Variants in QTMAN observed in about 807,000 individuals in gnomAD.
The protein encoded by QTMAN is tRNA-queuosine alpha-mannosyltransferase.
the QTMAN span, among the ~76,000 whole-genome samples, chr2:144,153,346 C>T: frequency 1.3e-5 from 2 of 152,104 alleles, no homozygotes; most frequent in Non-Finnish European, 2.9e-5. Context: ...TAAAGTACCA[C>T]TATAAATCAC....
the QTMAN span, among the ~76,000 whole-genome samples, chr2:143,992,304 G>T: frequency 6.7e-6 from 1 of 148,984 alleles, no homozygotes; most frequent in African/African-American, 2.5e-5. Context: ...GGCAGTGCAA[G>T]ATGTGCTTTG....
the QTMAN span, among the ~76,000 whole-genome samples, chr2:144,074,777 TTA>T: frequency 5.3e-5 from 8 of 152,310 alleles, no homozygotes; most frequent in African/African-American, 1.4e-4. Flanking sequence ...ACACTTTAGA[TTA>T]TATCCAGAGT....
the QTMAN span, among the ~76,000 whole-genome samples, chr2:144,016,039 G>A: frequency 1.3e-5 from 2 of 152,134 alleles, no homozygotes; most frequent in African/African-American, 2.4e-5. Flanking sequence ...CCATATTTAA[G>A]CCACGTTGAG....
chr2:144,208,597 A>C, the QTMAN span: 7 of 1,610,194 alleles, frequency 4.3e-6, no homozygotes, highest in Non-Finnish European at 5.9e-6. Flanking sequence ...CCTGAGCTCT[A>C]ATTACCTGTA....
chr2:144,246,534 C>G, the QTMAN span, among the ~76,000 whole-genome samples: 2 of 139,486 alleles, frequency 1.4e-5, no homozygotes, highest in African/African-American at 5.5e-5. Flanking sequence ...GATTGCGCCA[C>G]TGCAGTCCGC....
chr2:143,973,787 T>A, the QTMAN span, among the ~76,000 whole-genome samples: 2 of 127,374 alleles, frequency 1.6e-5, no homozygotes, highest in African/African-American at 6.9e-5. Flanking sequence ...AAACTCCGTC[T>A]CAAAAAAAAA....
At chr2:144,212,261 G>A in the QTMAN span, among the ~76,000 whole-genome samples, 1 of 152,110 alleles carries the variant, frequency 6.6e-6, no homozygotes, top group South Asian at 2.1e-4. Flanking sequence ...TCAGGAGTTC[G>A]AAACCAGATT....
the QTMAN span, among the ~76,000 whole-genome samples, chr2:143,948,208 ACCAC>A: frequency 6.6e-6 from 1 of 152,200 alleles, no homozygotes; most frequent in Non-Finnish European, 1.5e-5. Context: ...AATCAAGATA[ACCAC>A]AAATGGCTTT....
chr2:143,996,535 C>G, the QTMAN span, among the ~76,000 whole-genome samples: 2 of 152,062 alleles, frequency 1.3e-5, no homozygotes, highest in Non-Finnish European at 2.9e-5. Flanking sequence ...TAAAACTGTT[C>G]TTGTTAAAAT....
the QTMAN span, among the ~76,000 whole-genome samples, chr2:144,129,725 G>A: frequency 6.6e-6 from 1 of 151,922 alleles, no homozygotes; most frequent in Admixed American, 6.6e-5. Context: ...TGCAGCTAGT[G>A]AGCTCACCTT....
the QTMAN span, among the ~76,000 whole-genome samples, chr2:144,314,768 G>A: frequency 6.6e-6 from 1 of 152,206 alleles, no homozygotes; most frequent in African/African-American, 2.4e-5. Context: ...ATGATAAACT[G>A]TTCTATTTTT....
the QTMAN span, chr2:143,970,689 C>T: frequency 1.8e-5 from 29 of 1,609,380 alleles, no homozygotes; most frequent in South Asian, 3.3e-5. Context: ...AGTACAGACA[C>T]GTGGAAATTG....
the QTMAN span, among the ~76,000 whole-genome samples, chr2:144,303,799 CAATGA>C: frequency 2.0e-5 from 3 of 152,124 alleles, no homozygotes; most frequent in African/African-American, 4.8e-5. Context: ...ATAATGGCAG[CAATGA>C]ACTATGATCC....
chr2:144,076,210 G>A, the QTMAN span, among the ~76,000 whole-genome samples: 254 of 152,264 alleles, frequency 1.7e-3, 4 homozygotes, highest in African/African-American at 5.8e-3. Flanking sequence ...TTGCGCCACT[G>A]CACTCCAGGC....
chr2:144,077,924 G>A, the QTMAN span, among the ~76,000 whole-genome samples: 1 of 152,068 alleles, frequency 6.6e-6, no homozygotes, highest in African/African-American at 2.4e-5. Context: ...TGAAGTGCAA[G>A]GATTTATGCA....
the QTMAN span, among the ~76,000 whole-genome samples, chr2:144,213,061 TACAA>T: frequency 1.3e-5 from 2 of 152,316 alleles, no homozygotes; most frequent in East Asian, 3.9e-4. Flanking sequence ...TAGTATTTCA[TACAA>T]ACATTTTGAC....
At chr2:144,170,508 A>T in the QTMAN span, among the ~76,000 whole-genome samples, 1 of 152,120 alleles carries the variant, frequency 6.6e-6, no homozygotes, top group Non-Finnish European at 1.5e-5. Flanking sequence ...CGCTCTAAGA[A>T]ACTCAGATCT....
the QTMAN span, among the ~76,000 whole-genome samples, chr2:144,060,185 C>T: frequency 6.6e-6 from 1 of 151,600 alleles, no homozygotes; most frequent in Non-Finnish European, 1.5e-5. Context: ...ATATATGTAC[C>T]ATACAAATAC....
chr2:144,236,331 T>G, the QTMAN span, among the ~76,000 whole-genome samples: 1 of 152,136 alleles, frequency 6.6e-6, no homozygotes, highest in South Asian at 2.1e-4. Context: ...AGGTTTAAAC[T>G]GTTGCTTAAC....
Sources: allele counts gnomAD v4.1 joint callset (sites outside exome capture counted in the v4.1 genomes callset), GRCh38; gene constraint gnomAD v4.1.1; transcripts MANE v1.5; gene names NCBI Gene and HGNC (gene_info 2026-07-23, HGNC 2026-07-21).